VAT1L: variants seen among roughly 807,000 people sequenced by gnomAD.
VAT1L encodes the protein vesicle amine transport 1 like.
A neutral mutation model predicts 44.1 loss-of-function variants in VAT1L; 34 were observed. The ratio of observed to expected loss-of-function variants is 0.77; its 90% CI spans 0.59 to 1.03. VAT1L has a LOEUF of 1.03. VAT1L is among the 50% of genes least tolerant of loss of function. The pLI is 0.00. For missense variants in VAT1L, 615 were observed against 538.8 expected (o/e 1.14, Z -1.40); for synonymous variants, 253 against 202.2 (o/e 1.25, Z -2.13).
intron 7 of VAT1L, among the ~76,000 whole-genome samples, chr16:77,925,388 C>T (rs1372067253): frequency 6.6e-6 from 1 of 152,116 alleles, no homozygotes; most frequent in African/African-American, 2.4e-5. Context: ...AATTTCACCT[C>T]GATCAAGTGG....
chr16:77,876,830 A>C (rs1003446527), intron 5 of VAT1L, among the ~76,000 whole-genome samples: 3 of 152,216 alleles, frequency 2.0e-5, no homozygotes, highest in African/African-American at 7.2e-5. Context: ...AAGGACCCAC[A>C]GTAGGATGGG....
intron 7 of VAT1L, among the ~76,000 whole-genome samples, chr16:77,961,064 G>A (rs151047113): frequency 6.6e-6 from 1 of 152,058 alleles, no homozygotes; most frequent in Non-Finnish European, 1.5e-5. Flanking sequence ...AAATATTTTT[G>A]AATAAATTTT....
At chr16:77,912,554 T>C (rs981715202) in intron 7 of VAT1L, among the ~76,000 whole-genome samples, 15 of 152,120 alleles carry the variant, frequency 9.9e-5, no homozygotes, top group African/African-American at 3.4e-4. Flanking sequence ...AAATCTACTT[T>C]ATGTTTATTA....
chr16:77,917,092 T>C (rs182812023), intron 7 of VAT1L, among the ~76,000 whole-genome samples: 1 of 152,350 alleles, frequency 6.6e-6, no homozygotes, highest in East Asian at 1.9e-4. Context: ...CTTGGCCTAA[T>C]GGAGCCTCTG....
chr16:77,897,783 G>A (rs2017339827), intron 7 of VAT1L, among the ~76,000 whole-genome samples: 1 of 152,134 alleles, frequency 6.6e-6, no homozygotes, highest in Non-Finnish European at 1.5e-5. Context: ...CCCAAACTGG[G>A]TTTCTTAACC....
At chr16:77,889,942 G>C (rs907151634) in intron 7 of VAT1L, among the ~76,000 whole-genome samples, 3 of 152,044 alleles carry the variant, frequency 2.0e-5, no homozygotes, top group African/African-American at 7.2e-5. Flanking sequence ...CAAAAAATTA[G>C]CCAGGCATGG....
intron 1 of VAT1L, among the ~76,000 whole-genome samples, chr16:77,815,417 T>C (rs898838027): frequency 2.6e-5 from 4 of 152,192 alleles, no homozygotes; most frequent in African/African-American, 9.6e-5. Context: ...ATATGAGGCA[T>C]ACAGATGCCT....
intron 1 of VAT1L, among the ~76,000 whole-genome samples, chr16:77,798,967 C>G (rs1160585940): frequency 6.6e-6 from 1 of 152,020 alleles, no homozygotes; most frequent in Non-Finnish European, 1.5e-5. Context: ...CTTCCCCTTC[C>G]ATCTTTCATC....
intron 7 of VAT1L, among the ~76,000 whole-genome samples, chr16:77,941,559 G>A (rs1218108485): frequency 2.0e-5 from 3 of 152,136 alleles, no homozygotes; most frequent in African/African-American, 7.2e-5. Context: ...GGGTCAAATG[G>A]TAGTTCTGTT....
At position 77,893,749 on chromosome 16, in the gene VAT1L, G is replaced by T. The variant is rs192533987; in HGVS notation, c.1077+8947G>T. Among the ~76,000 whole-genome samples the T allele has an allele frequency of 5.2e-3, 797 of 152,250 alleles. 5 individuals are homozygous for T. Among genetic ancestry groups the T allele is most frequent in the Middle Eastern group, 0.024 (7 of 294 alleles). Reference sequence around the variant, plus strand: ...TACAGATCGCAAAAATGAGGCTCTAGAGAGATTATACTTGCCCATAGTCCC... The same window carrying T: ...TACAGATCGCAAAAATGAGGCTCTATAGAGATTATACTTGCCCATAGTCCC... On this transcript the variant is annotated intron_variant, in intron 7 of 8. Transcript: ENST00000302536.
intron 3 of VAT1L, among the ~76,000 whole-genome samples, chr16:77,842,463 G>A (rs1021541007): frequency 6.6e-6 from 1 of 152,184 alleles, no homozygotes; most frequent in African/African-American, 2.4e-5. Flanking sequence ...CAGAACCAAC[G>A]AAAGTAATTC....
At chr16:77,792,106 T>C (rs906776394) in intron 1 of VAT1L, among the ~76,000 whole-genome samples, 8 of 152,142 alleles carry the variant, frequency 5.3e-5, no homozygotes, top group Admixed American at 4.6e-4. Context: ...AAAATGAACT[T>C]CATGGTATTG....
At chr16:77,885,061 G>A (rs1202911957) in intron 7 of VAT1L, among the ~76,000 whole-genome samples, 2 of 152,146 alleles carry the variant, frequency 1.3e-5, no homozygotes, top group African/African-American at 4.8e-5. Flanking sequence ...ACCAAATTTT[G>A]ATCAATGTCT....
intron 5 of VAT1L, 40 bp downstream of exon 5, chr16:77,876,513 G>T (rs376614510): frequency 2.2e-5 from 34 of 1,571,536 alleles, no homozygotes; most frequent in Admixed American, 6.7e-5. Context: ...TCAGCAATAG[G>T]TACCTCTACA....
chr16:77,914,362 G>A (rs1485877315), intron 7 of VAT1L, among the ~76,000 whole-genome samples: 2 of 152,282 alleles, frequency 1.3e-5, no homozygotes, highest in Admixed American at 1.3e-4. Flanking sequence ...CTATAAAATA[G>A]CATTACCATG....
At chr16:77,955,680 G>A (rs948042182) in intron 7 of VAT1L, among the ~76,000 whole-genome samples, 3 of 146,760 alleles carry the variant, frequency 2.0e-5, no homozygotes, top group Admixed American at 7.0e-5. Context: ...AGCTGAGATC[G>A]CAACACTACA....
chr16:77,821,583 G>T (rs551695075), intron 2 of VAT1L, among the ~76,000 whole-genome samples: 1 of 152,114 alleles, frequency 6.6e-6, no homozygotes, highest in South Asian at 2.1e-4. Context: ...ATGAGCCACC[G>T]TGCCCAGCCT....
chr16:77,951,427 T>A (rs556975226), intron 7 of VAT1L, among the ~76,000 whole-genome samples: 1 of 152,226 alleles, frequency 6.6e-6, no homozygotes, highest in Admixed American at 6.5e-5. Context: ...GAGCCTGTAA[T>A]CCCAGCTACT....
At chr16:77,967,470 C>G (rs1055913334) in intron 7 of VAT1L, among the ~76,000 whole-genome samples, 1 of 152,288 alleles carries the variant, frequency 6.6e-6, no homozygotes, top group African/African-American at 2.4e-5. Flanking sequence ...ACATTGTCAT[C>G]AGAAAGGCTC....
Sources: allele counts gnomAD v4.1 joint callset (sites outside exome capture counted in the v4.1 genomes callset), GRCh38; gene constraint gnomAD v4.1.1; transcripts MANE v1.5; gene names NCBI Gene and HGNC (gene_info 2026-07-23, HGNC 2026-07-21).